SYN2: variants seen among roughly 807,000 people sequenced by gnomAD.
SYN2 encodes synapsin-2.
Under a neutral mutation model 50.9 loss-of-function variants are expected in SYN2, and 19 were observed. The observed-to-expected ratio is 0.37, with a 90% CI of 0.26 to 0.55. SYN2 has a LOEUF of 0.55. Ranked by LOEUF, SYN2 falls within the 20% of genes least tolerant of loss-of-function variation. The probability of loss-of-function intolerance (pLI) is 0.81; values close to 1 mark genes in which losing one functional copy is unlikely to be tolerated. For synonymous variants in SYN2, 255 were observed against 224.9 expected (o/e 1.13, Z -1.20); for missense variants, 587 against 576.4 (o/e 1.02, Z -0.19).
intron 1 of SYN2, chr3:12,070,537 A>ACTGGTGCAGCAG: frequency 1.0e-6 from 1 of 952,752 alleles, no homozygotes; most frequent in Admixed American, 1.8e-5. Context: ...CCGGAGGAGC[A>ACTGGTGCAGCAG]CCTGGTGCTG....
chr3:12,004,538 G>T lies in SYN2; in HGVS notation c.-14G>T. The T allele has an allele frequency of 3.2e-6, 2 of 626,820 alleles. No individual in the cohort carries two copies. The highest frequency in any genetic ancestry group is 1.7e-5 in the South Asian group (1 of 57,826). 38.8% of individuals were successfully genotyped at this position (626,820 alleles called of 1,614,324 possible). Reference sequence around the variant, plus strand: ...GACCCCGTAGCCCCGCGCGCCCCCAGCCCTTTAAGCCAGATGATGAACTTC... The same window carrying T: ...GACCCCGTAGCCCCGCGCGCCCCCATCCCTTTAAGCCAGATGATGAACTTC... On this transcript the variant is annotated 5_prime_UTR_variant, in exon 1 of 13. Coordinates refer to ENST00000621198, the MANE Select transcript of SYN2 (RefSeq NM_133625.6).
At chr3:12,189,691 TACTTGG>T in intron 12 of SYN2, among the ~76,000 whole-genome samples, 1 of 152,132 alleles carries the variant, frequency 6.6e-6, no homozygotes, top group African/African-American at 2.4e-5. Context: ...TAGTCCCAGC[TACTTGG>T]GAGGCTGAGG....
At chr3:12,021,807 G>A (rs564488353) in intron 1 of SYN2, among the ~76,000 whole-genome samples, 1 of 151,876 alleles carries the variant, frequency 6.6e-6, no homozygotes, top group East Asian at 2.0e-4. Flanking sequence ...GCTCATGCCT[G>A]TAATCCCAGC....
chr3:12,076,622 T>C (rs113918386), intron 1 of SYN2, among the ~76,000 whole-genome samples: 60 of 152,186 alleles, frequency 3.9e-4, no homozygotes, highest in African/African-American at 1.4e-3. Context: ...TACTAGGTGT[T>C]AGACACTATG....
chr3:12,135,583 C>T (rs308969), intron 1 of SYN2, among the ~76,000 whole-genome samples: 142,227 of 152,284 alleles, frequency 0.93, 66,508 homozygotes, highest in East Asian at 1. Context: ...TCCAGTCATC[C>T]TGGGAGGATT....
chr3:12,114,553 C>T (rs1339270962), intron 1 of SYN2, among the ~76,000 whole-genome samples: 1 of 151,940 alleles, frequency 6.6e-6, no homozygotes, highest in East Asian at 1.9e-4. Flanking sequence ...TTTCTTCTAA[C>T]AGTTTTATAG....
chr3:12,072,806 T>A (rs1695386925), intron 1 of SYN2, among the ~76,000 whole-genome samples: 1 of 152,214 alleles, frequency 6.6e-6, no homozygotes, highest in African/African-American at 2.4e-5. Context: ...ATAGTCTCTG[T>A]TTCTCCAGGT....
chr3:12,167,088 C>T, intron 7 of SYN2, 146 bp from the exon 8 acceptor site: 1 of 769,508 alleles, frequency 1.3e-6, no homozygotes. Flanking sequence ...CACCCAGGCT[C>T]TAGGCTCAGC....
intron 1 of SYN2, among the ~76,000 whole-genome samples, chr3:12,050,711 C>CTTT (rs57099569): frequency 0.075 from 3,774 of 50,432 alleles, 1,506 homozygotes; most frequent in Non-Finnish European, 0.14. Context: ...CTTCTCTTCT[C>CTTT]TTTTTTTTTT....
chr3:12,041,162 G>A (rs1009126741), intron 1 of SYN2, among the ~76,000 whole-genome samples: 2 of 152,148 alleles, frequency 1.3e-5, no homozygotes, highest in Non-Finnish European at 2.9e-5. Context: ...GGTATGGCTT[G>A]AATCTCTGTT....
intron 12 of SYN2, 99 bp downstream of exon 12, chr3:12,187,711 T>TCCC (rs1289108110): frequency 7.0e-7 from 1 of 1,422,198 alleles, no homozygotes; most frequent in Non-Finnish European, 9.3e-7. Flanking sequence ...TCAGGTCTCC[T>TCCC]CCTACAGATA....
chr3:12,101,512 G>A (rs1221511860), intron 1 of SYN2, among the ~76,000 whole-genome samples: 1 of 152,124 alleles, frequency 6.6e-6, no homozygotes, highest in Non-Finnish European at 1.5e-5. Flanking sequence ...CTGCTGTTGG[G>A]CACTTGGTTT....
intron 1 of SYN2, among the ~76,000 whole-genome samples, chr3:12,047,678 G>T (rs1043904862): frequency 6.6e-6 from 1 of 152,112 alleles, no homozygotes; most frequent in African/African-American, 2.4e-5. Context: ...ATCTAAGTTG[G>T]ATAGAGAGGC....
intron 1 of SYN2, among the ~76,000 whole-genome samples, chr3:12,041,587 G>A (rs752858314): frequency 6.6e-6 from 1 of 152,148 alleles, no homozygotes; most frequent in Non-Finnish European, 1.5e-5. Flanking sequence ...TTAGCAACCA[G>A]TGAAGATGAG....
At chr3:12,040,526 G>T (rs1026690974) in intron 1 of SYN2, among the ~76,000 whole-genome samples, 1 of 148,794 alleles carries the variant, frequency 6.7e-6, no homozygotes, top group Non-Finnish European at 1.5e-5. Flanking sequence ...TCTGCCTCCC[G>T]GGTTCAAGCC....
intron 1 of SYN2, among the ~76,000 whole-genome samples, chr3:12,053,674 C>T (rs2125157148): frequency 6.6e-6 from 1 of 152,066 alleles, no homozygotes; most frequent in Admixed American, 6.5e-5. Context: ...GGACTTTTCC[C>T]CCCTAGAGTT....
chr3:12,153,374 G>T, intron 5 of SYN2: 1 of 993,592 alleles, frequency 1.0e-6, no homozygotes, highest in Non-Finnish European at 1.6e-6. Flanking sequence ...TCCCTGCCTT[G>T]ACAGTGGCCA....
At chr3:12,069,179 G>T (rs1443033045) in intron 1 of SYN2, among the ~76,000 whole-genome samples, 1 of 151,606 alleles carries the variant, frequency 6.6e-6, no homozygotes, top group Non-Finnish European at 1.5e-5. Context: ...GGACATTTGG[G>T]TTGTTTCCAC....
At chr3:12,041,434 G>A (rs1239694548) in intron 1 of SYN2, among the ~76,000 whole-genome samples, 3 of 152,152 alleles carry the variant, frequency 2.0e-5, no homozygotes, top group Non-Finnish European at 4.4e-5. Flanking sequence ...TTTCTGCCAT[G>A]AGAAATATGA....
Sources: gnomAD v4.1 joint callset for allele counts (sites outside exome capture counted in the v4.1 genomes callset) on GRCh38, gnomAD v4.1.1 for gene constraint, MANE v1.5 for transcripts, NCBI Gene and HGNC (gene_info 2026-07-23, HGNC 2026-07-21) for gene names.